KCNK13: variants seen among roughly 807,000 people sequenced by gnomAD.
The protein encoded by KCNK13 is potassium two pore domain channel subfamily K member 13.
In KCNK13, 12 loss-of-function variants were observed where a neutral mutation model predicts 23.4. The ratio of observed to expected loss-of-function variants is 0.51; its 90% CI spans 0.33 to 0.83. The LOEUF (loss-of-function observed/expected upper bound fraction) is 0.83, where lower values mean the gene tolerates loss of function less well. KCNK13 is among the 40% of genes least tolerant of loss of function. The pLI is 0.02. For synonymous variants in KCNK13, 231 were observed against 229.5 expected (o/e 1.01, Z -0.06); for missense variants, 463 against 556.3 (o/e 0.83, Z 1.69).
At chr14:90,112,120 A>T (rs993839137) in intron 1 of KCNK13, among the ~76,000 whole-genome samples, 1 of 152,144 alleles carries the variant, frequency 6.6e-6, no homozygotes, top group Non-Finnish European at 1.5e-5. Context: ...TCAGCCAAAC[A>T]TCCTGCTCTG....
chr14:90,073,313 T>C (rs943573748), intron 1 of KCNK13, among the ~76,000 whole-genome samples: 3 of 152,132 alleles, frequency 2.0e-5, no homozygotes, highest in African/African-American at 7.2e-5. Context: ...CAGGAGTCCA[T>C]GCAAACAGAG....
rs542660087 is a variant in KCNK13, at chr14:90,142,246, CA to C, written c.335-41864del. On this transcript the variant is annotated intron_variant, in intron 1 of 1. Transcript: ENST00000282146. ...ATTGGCTCCTTTCACTCAGCATAAT[CA>C]TTTTGAGATTTATTTATATTGTTAC... Among the ~76,000 whole-genome samples the C allele has an allele frequency of 8.7e-5, 13 of 149,796 alleles. No homozygotes were observed. In the South Asian group the frequency reaches 2.7e-3, roughly 32 times the overall value.
At chr14:90,150,304 C>G (rs1051073718) in intron 1 of KCNK13, among the ~76,000 whole-genome samples, 1 of 152,032 alleles carries the variant, frequency 6.6e-6, no homozygotes, top group African/African-American at 2.4e-5. Context: ...TGCTTAACTA[C>G]TATGCTCTCC....
At chr14:90,113,253 A>C (rs1889637150) in intron 1 of KCNK13, among the ~76,000 whole-genome samples, 1 of 152,082 alleles carries the variant, frequency 6.6e-6, no homozygotes, top group Non-Finnish European at 1.5e-5. Context: ...AAAACATGGT[A>C]CTGGTTTACC....
intron 1 of KCNK13, among the ~76,000 whole-genome samples, chr14:90,109,905 C>T (rs930674847): frequency 6.6e-6 from 1 of 151,582 alleles, no homozygotes; most frequent in South Asian, 2.1e-4. Flanking sequence ...GACAGGATTT[C>T]GCCATTTTCC....
chr14:90,140,746 C>CTGTAAGT (rs1239742940), intron 1 of KCNK13, among the ~76,000 whole-genome samples: 2 of 152,296 alleles, frequency 1.3e-5, no homozygotes, highest in East Asian at 3.9e-4. Flanking sequence ...CCTGTGACTT[C>CTGTAAGT]TGTAAGTTTT....
intron 1 of KCNK13, among the ~76,000 whole-genome samples, chr14:90,169,313 G>A (rs1177767413): frequency 6.6e-6 from 1 of 152,168 alleles, no homozygotes; most frequent in Non-Finnish European, 1.5e-5. Context: ...ACTTGATTTT[G>A]TACACTGCCT....
At chr14:90,127,751 C>T (rs1326903810) in intron 1 of KCNK13, among the ~76,000 whole-genome samples, 4 of 140,816 alleles carry the variant, frequency 2.8e-5, no homozygotes, top group East Asian at 4.3e-4. Flanking sequence ...TCCAGGAGTT[C>T]GAGGCTGCAG....
At chr14:90,090,021 G>A (rs867815766) in intron 1 of KCNK13, among the ~76,000 whole-genome samples, 1 of 152,230 alleles carries the variant, frequency 6.6e-6, no homozygotes, top group Non-Finnish European at 1.5e-5. Context: ...AGGGCAGTGT[G>A]GAAGTGTGGG....
intron 1 of KCNK13, among the ~76,000 whole-genome samples, chr14:90,072,745 T>C: frequency 6.6e-6 from 1 of 152,202 alleles, no homozygotes; most frequent in East Asian, 1.9e-4. Flanking sequence ...GACTATTAGC[T>C]TTTTCACATT....
rs1456050071 is a variant in KCNK13, at chr14:90,134,961, C to CTGCT, written c.335-49149_335-49146dup. On this transcript the variant is annotated intron_variant, in intron 1 of 1. Transcript: ENST00000282146. Reference sequence around the variant, plus strand: ...TGGGAATTGTGGAGCTCACAGTAGCCTGCTCATCGTAGACATGACTGATTT... The same window carrying CTGCT: ...TGGGAATTGTGGAGCTCACAGTAGCCTGCTTGCTCATCGTAGACATGACTGATTT... Among the ~76,000 whole-genome samples the CTGCT allele has an allele frequency of 2.6e-5, 4 of 152,208 alleles. No homozygotes were observed. In the East Asian group the frequency reaches 7.7e-4, roughly 29 times the overall value.
chr14:90,152,917 T>C (rs901132016), intron 1 of KCNK13, among the ~76,000 whole-genome samples: 1 of 152,212 alleles, frequency 6.6e-6, no homozygotes. Flanking sequence ...AGGATCATGC[T>C]GGACTGCATT....
At chr14:90,166,524 G>A (rs1217752540) in intron 1 of KCNK13, among the ~76,000 whole-genome samples, 2 of 152,096 alleles carry the variant, frequency 1.3e-5, no homozygotes, top group Non-Finnish European at 2.9e-5. Flanking sequence ...TGGCCAACAT[G>A]GAGAAACCCC....
chr14:90,139,180 G>A (rs1310193587), intron 1 of KCNK13, among the ~76,000 whole-genome samples: 1 of 152,138 alleles, frequency 6.6e-6, no homozygotes, highest in Non-Finnish European at 1.5e-5. Context: ...TACATGAGAG[G>A]TTATTTGAGA....
At chr14:90,094,682 C>T (rs1889388389) in intron 1 of KCNK13, among the ~76,000 whole-genome samples, 1 of 137,926 alleles carries the variant, frequency 7.3e-6, no homozygotes, top group South Asian at 2.3e-4. Flanking sequence ...TGGAGCCTCA[C>T]TGTCGCCCAG....
intron 1 of KCNK13, among the ~76,000 whole-genome samples, chr14:90,097,021 A>G (rs1175003498): frequency 6.6e-6 from 1 of 152,096 alleles, no homozygotes. Context: ...CAGCACAAAC[A>G]TGGCTGCCAC....
chr14:90,093,624 G>A (rs1212553898), intron 1 of KCNK13, among the ~76,000 whole-genome samples: 1 of 152,234 alleles, frequency 6.6e-6, no homozygotes, highest in African/African-American at 2.4e-5. Flanking sequence ...AGGGCTGAAG[G>A]GGCCCCCATG....
chr14:90,084,306 TTTAA>T (rs1374971710), intron 1 of KCNK13, among the ~76,000 whole-genome samples: 1 of 152,246 alleles, frequency 6.6e-6, no homozygotes, highest in Admixed American at 6.5e-5. Context: ...ATTTTGATCC[TTTAA>T]TTTATTTAAA....
intron 1 of KCNK13, among the ~76,000 whole-genome samples, chr14:90,067,820 G>A (rs1000514505): frequency 3.9e-5 from 6 of 152,136 alleles, no homozygotes; most frequent in Non-Finnish European, 7.3e-5. Flanking sequence ...GCTTGTCCCC[G>A]TGTTTGCTGG....
Sources: allele counts gnomAD v4.1 joint callset (sites outside exome capture counted in the v4.1 genomes callset), GRCh38; gene constraint gnomAD v4.1.1; transcripts MANE v1.5; gene names NCBI Gene and HGNC (gene_info 2026-07-23, HGNC 2026-07-21).